The following TNIP1 variants were observed in gnomAD, a reference collection of about 807,000 sequenced individuals.
The protein encoded by TNIP1 is TNFAIP3-interacting protein 1.
Under a neutral mutation model 86.6 loss-of-function variants are expected in TNIP1, and 22 were observed. That is an observed-to-expected ratio of 0.25 (90% CI 0.18 to 0.36). The LOEUF (loss-of-function observed/expected upper bound fraction) is 0.36, where lower values mean the gene tolerates loss of function less well. TNIP1 is among the 10% of genes least tolerant of loss of function. The probability of loss-of-function intolerance (pLI) is 1.00; values close to 1 mark genes in which losing one functional copy is unlikely to be tolerated. For synonymous variants in TNIP1, 294 were observed against 313.0 expected, an observed-to-expected ratio of 0.94 and a Z score of 0.64; for missense variants, 709 against 820.6, an observed-to-expected ratio of 0.86 and a Z score of 1.66.
At chr5:151,040,778 G>C (rs3805434) in intron 11 of TNIP1, among the ~76,000 whole-genome samples, 129,389 of 152,194 alleles carry the variant, frequency 0.85, 55,165 homozygotes, top group East Asian at 0.98. Flanking sequence ...GGGAGGAACT[G>C]TGAAAGGCAA....
intron 10 of TNIP1, 52 bp from the exon 11 acceptor site, chr5:151,042,723 C>G: frequency 6.2e-7 from 1 of 1,608,958 alleles, no homozygotes; most frequent in Non-Finnish European, 8.5e-7. Flanking sequence ...AGAGCACTTG[C>G]AGGATGTGGG....
At chr5:151,046,290 G>A in intron 8 of TNIP1, 1 of 246,826 alleles carries the variant, frequency 4.1e-6, no homozygotes, top group Non-Finnish European at 8.0e-6. Context: ...AAAACTCTCT[G>A]GCCTGGAAGG....
At chr5:151,059,816 AGAGAGAGAGAGAGTGTGTGT>A (rs1474833675) in intron 5 of TNIP1, among the ~76,000 whole-genome samples, 4 of 108,124 alleles carry the variant, frequency 3.7e-5, no homozygotes, top group African/African-American at 1.9e-4. Flanking sequence ...AGAGAGAGAG[AGAGAGAGAGAGAGTGTGTGT>A]GTGTGTGTGT....
intron 8 of TNIP1, among the ~76,000 whole-genome samples, chr5:151,048,415 G>C (rs1759465121): frequency 6.6e-6 from 1 of 152,006 alleles, no homozygotes; most frequent in Non-Finnish European, 1.5e-5. Context: ...ATTTTACAGA[G>C]GAAACTGAGG....
chr5:151,036,975 C>G, intron 12 of TNIP1, 54 bp from the exon 13 acceptor site: 1 of 1,530,298 alleles, frequency 6.5e-7, no homozygotes, highest in Non-Finnish European at 8.8e-7. Context: ...AATCAGGGCC[C>G]TTTGGAGGGG....
intron 1 of TNIP1, among the ~76,000 whole-genome samples, chr5:151,086,134 T>G (rs559631456): frequency 6.6e-6 from 1 of 152,246 alleles, no homozygotes; most frequent in South Asian, 2.1e-4. Flanking sequence ...GTTTCCTCAT[T>G]CTTATGGTAA....
In TNIP1 at chr5:151,067,646, A is replaced by G. The variant is rs73799421; in HGVS notation, c.-36-2515T>C. On this transcript the variant is annotated intron_variant, in intron 1 of 17. Transcript: ENST00000521591. Reference sequence around the variant, plus strand: ...ACTCAATGTCTGCCTTGTCCTGTAGATTAGAGGCTGCATGAGGACAGGGAG... The same window carrying G: ...ACTCAATGTCTGCCTTGTCCTGTAGGTTAGAGGCTGCATGAGGACAGGGAG... Among the ~76,000 whole-genome samples, 874 of 152,326 alleles carry G rather than the reference A, an allele frequency of 5.7e-3. 7 individuals are homozygous for G. The highest frequency in any genetic ancestry group is 0.02 in the African/African-American group (833 of 41,550).
intron 1 of TNIP1, among the ~76,000 whole-genome samples, chr5:151,066,261 G>A (rs1433447198): frequency 6.6e-6 from 1 of 152,236 alleles, no homozygotes; most frequent in Non-Finnish European, 1.5e-5. Context: ...GAAGACATCT[G>A]AAGGAAGAAC....
intron 1 of TNIP1, among the ~76,000 whole-genome samples, chr5:151,068,818 G>C (rs1762524911): frequency 6.6e-6 from 1 of 151,940 alleles, no homozygotes; most frequent in Non-Finnish European, 1.5e-5. Context: ...TCTTCTCAGA[G>C]TCTCTTTCCA....
intron 5 of TNIP1, 117 bp downstream of exon 5, chr5:151,060,200 CA>C: frequency 9.6e-7 from 1 of 1,039,832 alleles, no homozygotes. Flanking sequence ...CGTGTATCCC[CA>C]AGTGACTCCA....
rs138598412 is a variant in TNIP1, at chr5:151,037,924, A to G, written c.1264-1003T>C. 3.8e-3 allele frequency among the ~76,000 whole-genome samples: 586 copies of G among 152,334 alleles called. 2 individuals carry two copies. The highest frequency in any genetic ancestry group is 0.014 in the African/African-American group (562 of 41,560). On this transcript the variant is annotated intron_variant, in intron 12 of 17. Transcript: ENST00000521591. ...TATCTTCCTACTCCACCCCACTTTTAAATGAAAAGACTGAGGTCCAGCGAC... is the reference window on the plus strand; with the variant it reads ...TATCTTCCTACTCCACCCCACTTTTGAATGAAAAGACTGAGGTCCAGCGAC...
chr5:151,085,396 C>T (rs1015710124), upstream of TNIP1, among the ~76,000 whole-genome samples: 142 of 152,300 alleles, frequency 9.3e-4, 1 homozygote, highest in African/African-American at 3.2e-3. Context: ...GACCCCAAGG[C>T]CTGGAGCTGG....
chr5:151,072,213 G>A (rs1347768051), intron 1 of TNIP1, among the ~76,000 whole-genome samples: 4 of 152,198 alleles, frequency 2.6e-5, no homozygotes, highest in Non-Finnish European at 5.9e-5. Context: ...GCGGCAGGCT[G>A]AAGCTCAGAG....
In TNIP1 at chr5:151,037,039, T is replaced by C. The variant is rs1349951794; in HGVS notation, c.1264-118A>G. ...TAATCATACTAATAATAGCCACCAC[T>C]ACCAGTCCTATTTAATAAATGCTGC... On this transcript the variant is annotated intron_variant, in intron 12 of 17. Coordinates refer to ENST00000521591, the MANE Select transcript of TNIP1 (RefSeq NM_006058.5). The C allele has an allele frequency of 2.4e-6, 3 of 1,261,046 alleles. No homozygotes were observed. In the African/African-American group the frequency reaches 4.6e-5, roughly 19 times the overall value. The allele number at this position is 1,261,046 out of a possible 1,614,324, so 78.1% of individuals were successfully genotyped here.
chr5:151,034,718 A>G, intron 15 of TNIP1: 1 of 439,994 alleles, frequency 2.3e-6, no homozygotes, highest in Non-Finnish European at 4.2e-6. Context: ...GGGCATAGAA[A>G]GTTGGATACA....
rs961797452 is a variant in TNIP1, at chr5:151,052,550, G to A, written c.628-291C>T. On this transcript the variant is annotated intron_variant, in intron 6 of 17. Coordinates refer to ENST00000521591, the MANE Select transcript of TNIP1 (RefSeq NM_006058.5). Reference sequence around the variant, plus strand: ...CTCCTTCATCCCTGCTCCCACTGCCGGGACCCCTATTCCCCACCAGCCTCC... The same window carrying A: ...CTCCTTCATCCCTGCTCCCACTGCCAGGACCCCTATTCCCCACCAGCCTCC... Among the ~76,000 whole-genome samples the A allele has an allele frequency of 2.3e-4, 35 of 151,978 alleles. 1 individual carries two copies. The highest frequency in any genetic ancestry group is 7.9e-4 in the Admixed American group (12 of 15,250).
intron 11 of TNIP1, among the ~76,000 whole-genome samples, chr5:151,041,957 T>C (rs947569129): frequency 1.3e-4 from 19 of 151,668 alleles, no homozygotes; most frequent in African/African-American, 4.4e-4. Context: ...TTTTTTTTTT[T>C]TAGCAAGAGT....
At chr5:151,071,330 C>G (rs1454165278) in intron 1 of TNIP1, among the ~76,000 whole-genome samples, 1 of 152,096 alleles carries the variant, frequency 6.6e-6, no homozygotes, top group African/African-American at 2.4e-5. Flanking sequence ...ATAGTAACAG[C>G]TGGGGCGCCA....
intron 11 of TNIP1, among the ~76,000 whole-genome samples, chr5:151,040,740 A>G (rs1322769336): frequency 2.6e-5 from 4 of 152,210 alleles, no homozygotes; most frequent in Non-Finnish European, 5.9e-5. Context: ...TGACTGCTCA[A>G]ATAAGGCCCC....
Sources: allele counts gnomAD v4.1 joint callset (sites outside exome capture counted in the v4.1 genomes callset), GRCh38; gene constraint gnomAD v4.1.1; transcripts MANE v1.5; gene names NCBI Gene and HGNC (gene_info 2026-07-23, HGNC 2026-07-21).